The following RNF180 variants were observed in gnomAD, a reference collection of about 807,000 sequenced individuals.
RNF180 encodes the protein ring finger protein 180, also known as E3 ubiquitin-protein ligase RNF180.
RNF180 carries 38 observed loss-of-function variants against 59.2 expected under a neutral mutation model. That is an observed-to-expected ratio of 0.64 (90% CI 0.50 to 0.84). RNF180 has a LOEUF of 0.84. Among genes scored for constraint, RNF180 ranks in the 40% least tolerant of loss-of-function variants. The pLI is 0.00. For missense variants in RNF180, 705 were observed against 700.9 expected, an observed-to-expected ratio of 1.01 and a Z score of -0.07; for synonymous variants, 262 against 240.3, an observed-to-expected ratio of 1.09 and a Z score of -0.84.
At chr5:64,222,849 A>G (rs1169027202) in intron 5 of RNF180, among the ~76,000 whole-genome samples, 1 of 152,216 alleles carries the variant, frequency 6.6e-6, no homozygotes, top group East Asian at 1.9e-4. Flanking sequence ...GGGGAGGAAG[A>G]CTACAGAGAT....
chr5:64,169,608 G>A (rs183664903), intron 1 of RNF180, among the ~76,000 whole-genome samples: 10 of 152,272 alleles, frequency 6.6e-5, no homozygotes, highest in Non-Finnish European at 1.5e-5. Context: ...ATCAAAGAAC[G>A]AGAAAGACAA....
At chr5:64,316,083 T>C (rs1405156922) in intron 5 of RNF180, among the ~76,000 whole-genome samples, 1 of 152,028 alleles carries the variant, frequency 6.6e-6, no homozygotes, top group Non-Finnish European at 1.5e-5. Flanking sequence ...TATTTTGTTG[T>C]TTTTATTTTG....
intron 5 of RNF180, among the ~76,000 whole-genome samples, chr5:64,231,807 T>C (rs1292755652): frequency 6.6e-6 from 1 of 152,170 alleles, no homozygotes; most frequent in Non-Finnish European, 1.5e-5. Context: ...GGGGTTAAGC[T>C]TAAGGAAGAA....
At chr5:64,332,027 G>A (rs977284932) in intron 7 of RNF180, among the ~76,000 whole-genome samples, 1 of 152,146 alleles carries the variant, frequency 6.6e-6, no homozygotes, top group African/African-American at 2.4e-5. Context: ...AGCATGCCTG[G>A]CTGTGCACAG....
intron 5 of RNF180, among the ~76,000 whole-genome samples, chr5:64,318,115 T>C (rs1561257596): frequency 6.6e-6 from 1 of 152,236 alleles, no homozygotes; most frequent in Non-Finnish European, 1.5e-5. Flanking sequence ...CTGTGTTATG[T>C]GTACTGTATG....
chr5:64,240,496 T>C (rs1742745412), intron 5 of RNF180, among the ~76,000 whole-genome samples: 1 of 152,234 alleles, frequency 6.6e-6, no homozygotes, highest in African/African-American at 2.4e-5. Flanking sequence ...CAGTTAAACA[T>C]GCTAACATGT....
chr5:64,207,830 A>T (rs1752097875), intron 2 of RNF180, among the ~76,000 whole-genome samples: 1 of 152,146 alleles, frequency 6.6e-6, no homozygotes, highest in South Asian at 2.1e-4. Flanking sequence ...TAGACAATTA[A>T]TAATGTTAAT....
intron 5 of RNF180, among the ~76,000 whole-genome samples, chr5:64,297,678 A>G (rs1486003215): frequency 1.3e-5 from 2 of 152,088 alleles, no homozygotes; most frequent in Non-Finnish European, 2.9e-5. Context: ...TTTGAGAGCA[A>G]TAAAAAAAGT....
intron 7 of RNF180, among the ~76,000 whole-genome samples, chr5:64,357,662 A>C (rs1411374396): frequency 1.3e-5 from 2 of 151,812 alleles, no homozygotes; most frequent in Non-Finnish European, 2.9e-5. Flanking sequence ...TACCATTAGC[A>C]CAACACAACC....
intron 5 of RNF180, among the ~76,000 whole-genome samples, chr5:64,312,614 G>A (rs1474812900): frequency 2.0e-5 from 3 of 152,190 alleles, no homozygotes; most frequent in East Asian, 1.9e-4. Flanking sequence ...TAATCGTTCA[G>A]CATCAGTAAG....
chr5:64,212,268 C>T, intron 3 of RNF180, 108 bp downstream of exon 3: 1 of 672,118 alleles, frequency 1.5e-6, no homozygotes, highest in African/African-American at 1.8e-5. Context: ...CAACCTCTTA[C>T]TGCTCCTCAC....
chr5:64,236,052 A>G (rs1388409465), intron 5 of RNF180, among the ~76,000 whole-genome samples: 2 of 152,236 alleles, frequency 1.3e-5, no homozygotes, highest in African/African-American at 2.4e-5. Flanking sequence ...TGTGGAAGCA[A>G]CTTTGGAACT....
chr5:64,234,148 A>AT (rs955186213), intron 5 of RNF180, among the ~76,000 whole-genome samples: 2 of 151,980 alleles, frequency 1.3e-5, no homozygotes, highest in African/African-American at 2.4e-5. Context: ...AATAAATCTC[A>AT]TTTTTTTTCC....
At chr5:64,362,930 G>A (rs1415511788) in intron 7 of RNF180, among the ~76,000 whole-genome samples, 1 of 141,708 alleles carries the variant, frequency 7.1e-6, no homozygotes, top group Non-Finnish European at 1.5e-5. Context: ...TTTTTAAAGG[G>A]GTTATTCTTT....
chr5:64,176,995 T>C (rs1229805769), intron 1 of RNF180, among the ~76,000 whole-genome samples: 1 of 152,318 alleles, frequency 6.6e-6, no homozygotes, highest in East Asian at 1.9e-4. Context: ...GTTTGTTTAA[T>C]AGAGTTAGAA....
intron 5 of RNF180, among the ~76,000 whole-genome samples, chr5:64,240,715 A>G (rs2112234905): frequency 6.6e-6 from 1 of 152,258 alleles, no homozygotes; most frequent in Admixed American, 6.5e-5. Flanking sequence ...TAGCATACCA[A>G]ACACTTACTG....
intron 1 of RNF180, among the ~76,000 whole-genome samples, chr5:64,182,023 G>A (rs570205596): frequency 8.9e-5 from 11 of 123,020 alleles, no homozygotes; most frequent in Middle Eastern, 6.7e-3. Flanking sequence ...ACAGAGTCTC[G>A]CTCTGTCTTC....
At chr5:64,279,460 G>GT (rs1454252662) in intron 5 of RNF180, among the ~76,000 whole-genome samples, 1 of 151,992 alleles carries the variant, frequency 6.6e-6, no homozygotes, top group Non-Finnish European at 1.5e-5. Flanking sequence ...TTTGTTTTTT[G>GT]TTTTTTGAAT....
chr5:64,284,124 G>A (rs1477487773), intron 5 of RNF180, among the ~76,000 whole-genome samples: 2 of 152,060 alleles, frequency 1.3e-5, no homozygotes, highest in Non-Finnish European at 2.9e-5. Context: ...AGCTTTATTT[G>A]GCTGGATTTG....
Sources: gnomAD v4.1 joint callset for allele counts (sites outside exome capture counted in the v4.1 genomes callset) on GRCh38, gnomAD v4.1.1 for gene constraint, MANE v1.5 for transcripts, NCBI Gene and HGNC (gene_info 2026-07-23, HGNC 2026-07-21) for gene names.